Variants in ANKS1B observed in about 807,000 individuals in gnomAD.
ANKS1B encodes ankyrin repeat and sterile alpha motif domain containing 1B.
In ANKS1B, 36 loss-of-function variants were observed where a neutral mutation model predicts 148.3. The ratio of observed to expected loss-of-function variants is 0.24; its 90% CI spans 0.19 to 0.32. The LOEUF is 0.32. Among genes scored for constraint, ANKS1B ranks in the 10% least tolerant of loss-of-function variants. The pLI is 1.00. For synonymous variants in ANKS1B, 542 were observed against 560.8 expected, an observed-to-expected ratio of 0.97 and a Z score of 0.47; for missense variants, 1,157 against 1,542.6, an observed-to-expected ratio of 0.75 and a Z score of 4.19.
intron 10 of ANKS1B, among the ~76,000 whole-genome samples, chr12:99,464,559 A>C (rs1322328218): frequency 6.6e-6 from 1 of 152,146 alleles, no homozygotes; most frequent in Non-Finnish European, 1.5e-5. Flanking sequence ...ATTTAGATGA[A>C]TGTATAACTA....
intron 16 of ANKS1B, among the ~76,000 whole-genome samples, chr12:99,073,017 G>A (rs752730828): frequency 2.6e-5 from 4 of 151,964 alleles, no homozygotes; most frequent in Non-Finnish European, 5.9e-5. Context: ...ACAATTAATG[G>A]GCCAAATGAA....
chr12:99,435,630 G>T (rs1050609209), intron 11 of ANKS1B, among the ~76,000 whole-genome samples: 1 of 151,942 alleles, frequency 6.6e-6, no homozygotes, highest in Non-Finnish European at 1.5e-5. Flanking sequence ...CTGAGAAGCA[G>T]GCAAGGCAAA....
intron 12 of ANKS1B, among the ~76,000 whole-genome samples, chr12:99,326,663 T>C (rs1157635468): frequency 6.6e-6 from 1 of 152,054 alleles, no homozygotes; most frequent in Non-Finnish European, 1.5e-5. Context: ...TTGAACTTAA[T>C]GGAGCTTATG....
chr12:98,754,914 A>G (rs1450128744), intron 25 of ANKS1B, among the ~76,000 whole-genome samples: 1 of 151,972 alleles, frequency 6.6e-6, no homozygotes, highest in African/African-American at 2.4e-5. Context: ...ATTTTCCTTG[A>G]CTTCTTGCTT....
At chr12:99,148,843 A>AT (rs897696529) in intron 15 of ANKS1B, among the ~76,000 whole-genome samples, 76 of 151,218 alleles carry the variant, frequency 5.0e-4, no homozygotes, top group Admixed American at 1.6e-3. Flanking sequence ...TGAAAAGGTT[A>AT]TTTTTTTTTC....
intron 9 of ANKS1B, among the ~76,000 whole-genome samples, chr12:99,564,148 CTA>C (rs1434044795): frequency 6.6e-6 from 1 of 152,086 alleles, no homozygotes; most frequent in Non-Finnish European, 1.5e-5. Flanking sequence ...GAAAACTTCT[CTA>C]GAGTTCATAC....
intron 9 of ANKS1B, among the ~76,000 whole-genome samples, chr12:99,516,370 T>C (rs1240185367): frequency 6.6e-6 from 1 of 152,108 alleles, no homozygotes; most frequent in Non-Finnish European, 1.5e-5. Flanking sequence ...ATTCCGCATA[T>C]AGGTATCAAG....
At position 99,614,057 on chromosome 12, in the gene ANKS1B, C is replaced by G. The variant is rs74820285; in HGVS notation, c.1272+41010G>C. Among the ~76,000 whole-genome samples, 38 of 151,818 alleles carry G rather than the reference C, an allele frequency of 2.5e-4. No individual in the cohort carries two copies. In the East Asian group the frequency reaches 7.4e-3, roughly 29 times the overall value. On this transcript the variant is annotated intron_variant, in intron 9 of 26. Coordinates refer to ENST00000683438, the MANE Select transcript of ANKS1B (RefSeq NM_001352186.2). ...CTTGCATATTAACCAGTCACTGGAA[C>G]CCAACATTCATTCATTTATTTTTCT...
At chr12:98,862,217 T>C (rs1483840555) in intron 17 of ANKS1B, among the ~76,000 whole-genome samples, 1 of 152,186 alleles carries the variant, frequency 6.6e-6, no homozygotes, top group African/African-American at 2.4e-5. Context: ...GACCTTGATA[T>C]TGTATAAGAG....
chr12:98,845,088 C>G (rs2099443708), intron 17 of ANKS1B, among the ~76,000 whole-genome samples: 1 of 152,198 alleles, frequency 6.6e-6, no homozygotes, highest in South Asian at 2.1e-4. Flanking sequence ...AGGGGTTTAG[C>G]AGAAAGAATG....
At chr12:99,542,552 T>C (rs1454899368) in intron 9 of ANKS1B, among the ~76,000 whole-genome samples, 1 of 151,790 alleles carries the variant, frequency 6.6e-6, no homozygotes, top group African/African-American at 2.4e-5. Context: ...TTCACAGAAA[T>C]TGAAAAGCTG....
intron 15 of ANKS1B, among the ~76,000 whole-genome samples, chr12:99,132,469 T>C (rs2066420887): frequency 6.7e-6 from 1 of 148,606 alleles, no homozygotes; most frequent in South Asian, 2.2e-4. Context: ...AGCGAGACCT[T>C]GTCCCCGCCT....
intron 12 of ANKS1B, among the ~76,000 whole-genome samples, chr12:99,380,853 A>G (rs1593505438): frequency 6.6e-6 from 1 of 151,386 alleles, no homozygotes; most frequent in East Asian, 1.9e-4. Context: ...ATTTACTAAC[A>G]CCATAATAGG....
chr12:99,811,803 A>G (rs2068408670), intron 3 of ANKS1B, among the ~76,000 whole-genome samples: 2 of 151,932 alleles, frequency 1.3e-5, no homozygotes, highest in African/African-American at 2.4e-5. Context: ...TTGTTTTAGC[A>G]TTCAAAATTG....
chr12:98,923,009 T>C (rs900432947), intron 17 of ANKS1B, among the ~76,000 whole-genome samples: 7 of 152,042 alleles, frequency 4.6e-5, no homozygotes, highest in Non-Finnish European at 1.0e-4. Context: ...CCAAAGCCCA[T>C]GGTGAAATTC....
At chr12:99,783,916 G>A (rs2064670376) in intron 4 of ANKS1B, among the ~76,000 whole-genome samples, 1 of 151,942 alleles carries the variant, frequency 6.6e-6, no homozygotes, top group South Asian at 2.1e-4. Flanking sequence ...AATGTTTAAG[G>A]TGATAGATAT....
chr12:99,563,840 T>A (rs897867559), intron 9 of ANKS1B, among the ~76,000 whole-genome samples: 1 of 152,164 alleles, frequency 6.6e-6, no homozygotes, highest in Non-Finnish European at 1.5e-5. Flanking sequence ...TTTAAAACAT[T>A]TTTACTGTGT....
chr12:98,781,455 G>A, intron 23 of ANKS1B: 1 of 580,532 alleles, frequency 1.7e-6, no homozygotes, highest in Non-Finnish European at 3.3e-6. Context: ...TCTAAAAAGA[G>A]TTTGTTCCGC....
chr12:99,273,890 T>G (rs932155026), intron 12 of ANKS1B, among the ~76,000 whole-genome samples: 1 of 152,094 alleles, frequency 6.6e-6, no homozygotes, highest in Admixed American at 6.5e-5. Flanking sequence ...CGGCCTTTTT[T>G]GTGATTTTTT....
Sources: allele counts gnomAD v4.1 joint callset (sites outside exome capture counted in the v4.1 genomes callset), GRCh38; gene constraint gnomAD v4.1.1; transcripts MANE v1.5; gene names NCBI Gene and HGNC (gene_info 2026-07-23, HGNC 2026-07-21).